The following IGSF21 variants were observed in gnomAD, a reference collection of about 807,000 sequenced individuals.
The protein encoded by IGSF21 is immunoglobulin superfamily member 21.
Under a neutral mutation model 46.8 loss-of-function variants are expected in IGSF21, and 28 were observed. That is an observed-to-expected ratio of 0.60 (90% CI 0.44 to 0.82). The LOEUF is 0.82. IGSF21 is among the 40% of genes least tolerant of loss of function. IGSF21 has a pLI of 0.00. For missense variants in IGSF21, 624 were observed against 665.5 expected (o/e 0.94, Z 0.69); for synonymous variants, 284 against 273.6 (o/e 1.04, Z -0.38).
intron 1 of IGSF21, among the ~76,000 whole-genome samples, chr1:18,131,845 T>C (rs1411952315): frequency 6.6e-6 from 1 of 152,178 alleles, no homozygotes; most frequent in Non-Finnish European, 1.5e-5. Context: ...CTCCTTATGG[T>C]TCATATACAA....
At chr1:18,172,909 G>GGT (rs111516776) in intron 1 of IGSF21, among the ~76,000 whole-genome samples, 16 of 152,038 alleles carry the variant, frequency 1.1e-4, no homozygotes, top group African/African-American at 3.4e-4. Flanking sequence ...CATCCCCTCT[G>GGT]GTGTGTGTGT....
intron 1 of IGSF21, among the ~76,000 whole-genome samples, chr1:18,126,873 G>T (rs891337605): frequency 6.6e-6 from 1 of 152,130 alleles, no homozygotes; most frequent in African/African-American, 2.4e-5. Flanking sequence ...AACAGCCAGG[G>T]TGTCAGGTGC....
Position 18,283,533 on chromosome 1 carries a change from G to C in IGSF21, c.184-8333G>C, listed in dbSNP as rs560005609. On this transcript the variant is annotated intron_variant, in intron 2 of 9. Coordinates refer to ENST00000251296, the MANE Select transcript of IGSF21 (RefSeq NM_032880.5). ...AACAGGTGGGCAGGGAGGTTTAGGG[G>C]AAGAGTGGTCCAGGGTCGTTATGGC... is the stretch of plus-strand genomic sequence containing the variant. Among the ~76,000 whole-genome samples the C allele has an allele frequency of 7.2e-5, 11 of 152,266 alleles. No individual in the cohort carries two copies. In the South Asian group the frequency reaches 1.7e-3, roughly 23 times the overall value.
chr1:18,153,226 G>C, intron 1 of IGSF21, among the ~76,000 whole-genome samples: 1 of 152,190 alleles, frequency 6.6e-6, no homozygotes, highest in East Asian at 1.9e-4. Flanking sequence ...GGCATTCCCG[G>C]GCGTTGCTTC....
At chr1:18,292,086 G>A (rs1241289488) in intron 3 of IGSF21, 99 bp downstream of exon 3, 43 of 1,278,786 alleles carry the variant, frequency 3.4e-5, no homozygotes, top group Non-Finnish European at 4.2e-5. Context: ...TCAATCCCTC[G>A]GTGCTCTTGG....
At chr1:18,296,646 A>G (rs1013877865) in intron 3 of IGSF21, among the ~76,000 whole-genome samples, 11 of 152,254 alleles carry the variant, frequency 7.2e-5, no homozygotes, top group Non-Finnish European at 1.2e-4. Context: ...CTCAAATTCC[A>G]TCTGCTTAAA....
At chr1:18,272,340 C>G (rs188593451) in intron 2 of IGSF21, among the ~76,000 whole-genome samples, 5 of 152,084 alleles carry the variant, frequency 3.3e-5, no homozygotes, top group African/African-American at 4.8e-5. Flanking sequence ...GGGGACACAG[C>G]GAAGCCATAT....
intron 2 of IGSF21, among the ~76,000 whole-genome samples, chr1:18,248,668 G>A (rs796828254): frequency 2.6e-5 from 4 of 152,264 alleles, no homozygotes; most frequent in African/African-American, 9.6e-5. Context: ...GGTGCAAGGT[G>A]CTCTGGGTGA....
At chr1:18,359,950 T>C (rs557915957) in intron 4 of IGSF21, among the ~76,000 whole-genome samples, 1 of 152,350 alleles carries the variant, frequency 6.6e-6, no homozygotes, top group South Asian at 2.1e-4. Flanking sequence ...GTTCAAATCC[T>C]GGCTCTTCCT....
At chr1:18,261,902 C>A (rs2124537316) in intron 2 of IGSF21, among the ~76,000 whole-genome samples, 1 of 152,236 alleles carries the variant, frequency 6.6e-6, no homozygotes, top group South Asian at 2.1e-4. Context: ...TGTGAACCAG[C>A]AAAGGGAAGA....
intron 1 of IGSF21, among the ~76,000 whole-genome samples, chr1:18,185,012 G>C (rs537345710): frequency 6.6e-6 from 1 of 152,340 alleles, no homozygotes; most frequent in East Asian, 1.9e-4. Context: ...ACAGCTTCAA[G>C]TAGTATTTGG....
chr1:18,215,191 G>A (rs555644066), intron 1 of IGSF21, among the ~76,000 whole-genome samples: 1 of 152,312 alleles, frequency 6.6e-6, no homozygotes, highest in East Asian at 1.9e-4. Context: ...TTTGGGTGGG[G>A]ACACAGAGCG....
At chr1:18,279,017 T>A (rs1194854448) in intron 2 of IGSF21, 2 of 421,618 alleles carry the variant, frequency 4.7e-6, no homozygotes, top group East Asian at 1.5e-4. Context: ...CTGAGCCTCA[T>A]CTGTCAAATG....
At chr1:18,127,357 A>G (rs1344433026) in intron 1 of IGSF21, among the ~76,000 whole-genome samples, 7 of 152,172 alleles carry the variant, frequency 4.6e-5, no homozygotes, top group Admixed American at 4.6e-4. Context: ...TTGGGTGGTC[A>G]AGGAAGGCTT....
At chr1:18,200,139 C>T (rs957968697) in intron 1 of IGSF21, among the ~76,000 whole-genome samples, 1 of 152,182 alleles carries the variant, frequency 6.6e-6, no homozygotes, top group Non-Finnish European at 1.5e-5. Flanking sequence ...CGGGCTCTTG[C>T]GTCTTCCCAA....
intron 2 of IGSF21, among the ~76,000 whole-genome samples, chr1:18,288,301 C>T (rs559733429): frequency 3.3e-5 from 5 of 152,210 alleles, no homozygotes; most frequent in Non-Finnish European, 5.9e-5. Context: ...CATGATCACC[C>T]TTCCCTCCAA....
chr1:18,339,541 G>C (rs1208052341), intron 4 of IGSF21, among the ~76,000 whole-genome samples: 1 of 152,160 alleles, frequency 6.6e-6, no homozygotes, highest in Non-Finnish European at 1.5e-5. Context: ...AGCCCAGCCT[G>C]GGCAACCTGG....
chr1:18,296,087 G>A (rs150356700), intron 3 of IGSF21, among the ~76,000 whole-genome samples: 1 of 152,278 alleles, frequency 6.6e-6, no homozygotes, highest in East Asian at 1.9e-4. Context: ...GAGAAACTAT[G>A]GGATGAATGC....
intron 2 of IGSF21, among the ~76,000 whole-genome samples, chr1:18,231,922 C>CCTGTGT (rs1553156168): frequency 4.4e-5 from 6 of 136,438 alleles, no homozygotes; most frequent in African/African-American, 8.1e-5. Flanking sequence ...ATCATTAGAT[C>CCTGTGT]GTGTGTGTGT....
Sources: allele counts gnomAD v4.1 joint callset (sites outside exome capture counted in the v4.1 genomes callset), GRCh38; gene constraint gnomAD v4.1.1; transcripts MANE v1.5; gene names NCBI Gene and HGNC (gene_info 2026-07-23, HGNC 2026-07-21).